The following TRIML1 variants were observed in gnomAD, a reference collection of about 807,000 sequenced individuals.
The protein encoded by TRIML1 is tripartite motif family like 1.
TRIML1 carries 34 observed loss-of-function variants against 32.3 expected under a neutral mutation model. The ratio of observed to expected loss-of-function variants is 1.05; its 90% CI spans 0.80 to 1.40. TRIML1 has a LOEUF of 1.40. Ranked by LOEUF, TRIML1 falls within the 40% of genes most tolerant of loss-of-function variation. The pLI is 0.00. For missense variants in TRIML1, 595 were observed against 574.9 expected (o/e 1.03, Z -0.36); for synonymous variants, 244 against 226.6 (o/e 1.08, Z -0.69).
chr4:188,137,295 C>A, upstream of TRIML1, among the ~76,000 whole-genome samples: 1 of 58,784 alleles, frequency 1.7e-5, no homozygotes, highest in East Asian at 5.5e-4. Flanking sequence ...TTATTGTAGT[C>A]TTTTTTTTTT....
At chr4:188,137,709 T>C (rs1316360100), upstream of TRIML1, among the ~76,000 whole-genome samples, 1 of 151,898 alleles carries the variant, frequency 6.6e-6, no homozygotes, top group African/African-American at 2.4e-5. Flanking sequence ...ACTCCCGACC[T>C]CAAGTGATCT....
rs145337493 is a variant in TRIML1 at position 188,146,870 on chromosome 4, C to T, written c.905C>T (p.Ser302Leu). The change falls in exon 6 of 6, where the codon TCG (serine) becomes TTG (leucine). Residue 302 changes from serine to leucine, a missense_variant. Coordinates refer to ENST00000332517, the MANE Select transcript of TRIML1 (RefSeq NM_178556.5). ...PATANAYLVL[S>L]EDLKSVKYGG... ...ACAGCTAATGCCTATCTCGTGTTGT[C>T]GGAGGATCTGAAGAGTGTGAAATAT... 1.7e-5 allele frequency: 24 copies of T among 1,450,874 alleles called. No individual in the cohort carries two copies. Among genetic ancestry groups the T allele is most frequent in the African/African-American group, 1.3e-4 (9 of 70,080 alleles). 89.9% of individuals were successfully genotyped at this position (1,450,874 alleles called of 1,614,324 possible). A position where few individuals can be genotyped will look rare whatever the true frequency, so the allele number is the denominator to read the frequency against.
At chr4:188,141,809 T>C (rs1305223890) in intron 2 of TRIML1, among the ~76,000 whole-genome samples, 1 of 152,036 alleles carries the variant, frequency 6.6e-6, no homozygotes. Context: ...TCAGGAATTG[T>C]TGCCATGAAA....
downstream of TRIML1, among the ~76,000 whole-genome samples, chr4:188,150,632 T>C (rs147177829): frequency 8.8e-4 from 134 of 152,146 alleles, 2 homozygotes; most frequent in East Asian, 0.019. Flanking sequence ...AATCCAGTGA[T>C]ACATCCTTTC....
intron 2 of TRIML1, among the ~76,000 whole-genome samples, chr4:188,141,349 G>A (rs958935466): frequency 6.6e-6 from 1 of 151,604 alleles, no homozygotes; most frequent in Non-Finnish European, 1.5e-5. Context: ...GTATATTTGT[G>A]GAGATGGGGT....
Position 188,139,553 on chromosome 4 carries a change from G to C in TRIML1, c.-6G>C, listed in dbSNP as rs749494027. On this transcript the variant is annotated 5_prime_UTR_variant, in exon 1 of 6. Coordinates refer to ENST00000332517, the MANE Select transcript of TRIML1 (RefSeq NM_178556.5). ...GTAACCTGGCTGCATATCCAGCCTC[G>C]AGAAAATGTCTACAGCAGATCTGAT... 1.3e-6 allele frequency: 2 copies of C among 1,560,512 alleles called. No homozygotes were observed. The highest frequency in any genetic ancestry group is 1.7e-6 in the Non-Finnish European group (2 of 1,150,440).
At chr4:188,144,678 T>C (rs1735002548) in intron 5 of TRIML1, among the ~76,000 whole-genome samples, 1 of 152,064 alleles carries the variant, frequency 6.6e-6, no homozygotes, top group East Asian at 1.9e-4. Flanking sequence ...AGTCCTTTCT[T>C]TGTTGGTTTT....
intron 5 of TRIML1, among the ~76,000 whole-genome samples, chr4:188,145,074 G>A (rs542191134): frequency 6.6e-6 from 1 of 152,208 alleles, no homozygotes; most frequent in Non-Finnish European, 1.5e-5. Context: ...CAATGAAATT[G>A]AGGAGGAAGG....
intron 3 of TRIML1, 109 bp downstream of exon 3, chr4:188,142,591 C>T (rs1734904676): frequency 2.4e-6 from 2 of 849,654 alleles, no homozygotes; most frequent in African/African-American, 1.7e-5. Flanking sequence ...AAGTTCTGGT[C>T]CAAAAGTAGT....
At chr4:188,145,540 C>A (rs1735044176) in intron 5 of TRIML1, among the ~76,000 whole-genome samples, 1 of 146,990 alleles carries the variant, frequency 6.8e-6, no homozygotes, top group Non-Finnish European at 1.5e-5. Flanking sequence ...TTGGAATCCT[C>A]AGCCAGGCAT....
chr4:188,140,126 C>A (rs1031221927), intron 1 of TRIML1, among the ~76,000 whole-genome samples, 160 bp downstream of exon 1: 1 of 136,804 alleles, frequency 7.3e-6, no homozygotes, highest in African/African-American at 2.6e-5. Context: ...TTTTTTTTCC[C>A]TTTTTTTGTT....
intron 3 of TRIML1, 70 bp downstream of exon 3, chr4:188,142,552 T>C (rs1029932963): frequency 8.1e-6 from 10 of 1,235,108 alleles, no homozygotes; most frequent in Non-Finnish European, 9.1e-6. Flanking sequence ...CCATAGGAAA[T>C]AATGTTTTCT....
At chr4:188,150,037 C>G (rs1006882530), downstream of TRIML1, among the ~76,000 whole-genome samples, 1 of 152,074 alleles carries the variant, frequency 6.6e-6, no homozygotes, top group African/African-American at 2.4e-5. Flanking sequence ...ATCTCCTGAC[C>G]TCCTGATCCG....
At position 188,145,385 on chromosome 4, in the gene TRIML1, T is replaced by TGAGCAGAGA. The variant is rs553125292; in HGVS notation, c.856+1253_856+1261dup. On this transcript the variant is annotated intron_variant, in intron 5 of 5. Transcript: ENST00000332517. ...TGAACCCAGGAGGTGGAGGTTGCAGTGAGCAGAGATGGCGCCATTGCATTC... is the reference window on the plus strand; with the variant it reads ...TGAACCCAGGAGGTGGAGGTTGCAGTGAGCAGAGAGAGCAGAGATGGCGCCATTGCATTC... 1.7e-3 allele frequency among the ~76,000 whole-genome samples: 231 copies of TGAGCAGAGA among 134,824 alleles called. 2 individuals are homozygous for TGAGCAGAGA. Among genetic ancestry groups the TGAGCAGAGA allele is most frequent in the Non-Finnish European group, 2.7e-3 (179 of 65,854 alleles). The allele number at this position is 134,824 out of a possible 152,430, so 88.4% of individuals were successfully genotyped here. A position where few individuals can be genotyped will look rare whatever the true frequency, so the allele number is the denominator to read the frequency against.
At chr4:188,146,798 A>G (rs1365048560) in intron 5 of TRIML1, 24 bp from the exon 6 acceptor site, 1 of 1,348,730 alleles carries the variant, frequency 7.4e-7, no homozygotes, top group East Asian at 2.7e-5. Flanking sequence ...CCCAAGGGAA[A>G]TCTCTTCTTT....
Position 188,147,174 on chromosome 4 carries a change from T to TTAAGGTTGTAAG in TRIML1, c.1209_1210insTAAGGTTGTAAG (p.Pro403_Val404insTer), listed in dbSNP as rs778116045. The TTAAGGTTGTAAG allele has an allele frequency of 2.5e-6, 4 of 1,614,060 alleles. No homozygotes were observed. The highest frequency in any genetic ancestry group is 3.4e-6 in the Non-Finnish European group (4 of 1,180,004). On this transcript the variant is annotated stop_gained and inframe_insertion, in exon 6 of 6. Coordinates refer to ENST00000332517, the MANE Select transcript of TRIML1 (RefSeq NM_178556.5). LOFTEE classifies it high-confidence loss of function. ...TGAAAGGTCAGCACGTCAGAGAGCCTGTGTGTAAGGTTGGTGTCTTCCTGG... is the reference window on the plus strand; with the variant it reads ...TGAAAGGTCAGCACGTCAGAGAGCCTTAAGGTTGTAAGGTGTGTAAGGTTGGTGTCTTCCTGG...
upstream of TRIML1, among the ~76,000 whole-genome samples, chr4:188,137,890 G>A (rs1391616477): frequency 6.7e-6 from 1 of 150,352 alleles, no homozygotes; most frequent in Non-Finnish European, 1.5e-5. Flanking sequence ...TGGGATTACA[G>A]ATGTGAGCAA....
upstream of TRIML1, among the ~76,000 whole-genome samples, chr4:188,138,417 G>A (rs1489138311): frequency 6.6e-6 from 1 of 152,074 alleles, no homozygotes; most frequent in Non-Finnish European, 1.5e-5. Context: ...ATGGCGTGAT[G>A]AGTTCGTGGG....
Position 188,140,615 on chromosome 4 carries a change from CTG to C in TRIML1, c.499_500del (p.Cys167ProfsTer8), listed in dbSNP as rs775056117. 5.0e-6 allele frequency: 8 copies of C among 1,612,780 alleles called. No individual in the cohort carries two copies. Among genetic ancestry groups the C allele is most frequent in the South Asian group, 2.2e-5 (2 of 91,054 alleles). On this transcript the variant is annotated frameshift_variant, in exon 2 of 6. Transcript: ENST00000332517. LOFTEE classifies it high-confidence loss of function. ...AACCCATGAGAAGGAGAGAGTGAAA[CTG>C]TGCCAGGTCGGTGTCTGTCTGACTT... is the stretch of plus-strand genomic sequence containing the variant. Reference protein sequence around the residue: ...VLTHEKERVKLCQEETKTCKQ... With the variant: ...VLTHEKERVKXCQEETKTCKQ...
Sources: gnomAD v4.1 joint callset for allele counts (sites outside exome capture counted in the v4.1 genomes callset) on GRCh38, gnomAD v4.1.1 for gene constraint, MANE v1.5 for transcripts, NCBI Gene and HGNC (gene_info 2026-07-23, HGNC 2026-07-21) for gene names.